The following NLRP3 variants were observed in gnomAD, a reference collection of about 807,000 sequenced individuals.
NLRP3 encodes the protein NACHT, LRR and PYD domains-containing protein 3.
NLRP3 carries 48 observed loss-of-function variants against 91.3 expected under a neutral mutation model. The observed-to-expected ratio is 0.53, with a 90% CI of 0.42 to 0.67. NLRP3 has a LOEUF of 0.67. Among genes scored for constraint, NLRP3 ranks in the 30% least tolerant of loss-of-function variants. The pLI is 0.00. For missense variants in NLRP3, 982 were observed against 1,276.9 expected (o/e 0.77, Z 3.52); for synonymous variants, 561 against 507.9 (o/e 1.10, Z -1.41).
In NLRP3 at chr1:247,434,281, G is replaced by A. The variant is rs201453934; in HGVS notation, c.2492+8G>A. 58 of 1,613,958 alleles carry A rather than the reference G, an allele frequency of 3.6e-5. 1 individual carries two copies. The South Asian group carries it at 5.4e-4, about 15-fold the overall frequency. ...CAATCTGAAGAAGCTCTGGTGAGTC[G>A]AGCCCGTTCCCCTAAGGAAGTTCTG... is the stretch of plus-strand genomic sequence containing the variant. On this transcript the variant is annotated splice_region_variant and intron_variant, in intron 6 of 9. Transcript: ENST00000336119.
intron 7 of NLRP3, among the ~76,000 whole-genome samples, chr1:247,438,378 GTTTT>G (rs74163772): frequency 5.6e-5 from 4 of 71,924 alleles, no homozygotes; most frequent in African/African-American, 1.1e-4. Context: ...GTTTAGTTGT[GTTTT>G]TTTTTTTTTT....
At position 247,436,078 on chromosome 1, in the gene NLRP3, C is replaced by T; in HGVS notation, c.2601C>T (p.Asp867=). The change falls in exon 7 of 10, where the codon GAC becomes GAT. Residue 867 remains aspartate, a synonymous_variant. Coordinates refer to ENST00000336119, the MANE Select transcript of NLRP3 (RefSeq NM_001243133.2). ...RLYVGENALG[D]SGVAILCEKA... is the part of the protein sequence containing the mutation. Reference sequence around the variant, plus strand: ...ATGTGGGGGAGAATGCCTTGGGAGACTCAGGAGTCGCAATTTTATGTGAAA... The same window carrying T: ...ATGTGGGGGAGAATGCCTTGGGAGATTCAGGAGTCGCAATTTTATGTGAAA... The T allele has an allele frequency of 6.2e-7, 1 of 1,614,148 alleles. No homozygotes were observed. Among genetic ancestry groups the T allele is most frequent in the Non-Finnish European group, 8.5e-7 (1 of 1,180,022 alleles).
chr1:247,442,434 G>A (rs1432236164), intron 7 of NLRP3, among the ~76,000 whole-genome samples: 1 of 152,128 alleles, frequency 6.6e-6, no homozygotes, highest in Non-Finnish European at 1.5e-5. Context: ...TGATTTTAGA[G>A]CTCTTATGCT....
chr1:247,437,567 A>T (rs1358490891), intron 7 of NLRP3, among the ~76,000 whole-genome samples: 1 of 152,124 alleles, frequency 6.6e-6, no homozygotes, highest in Non-Finnish European at 1.5e-5. Flanking sequence ...TGGCAATTTG[A>T]CTTCTGCTTC....
At chr1:247,444,177 C>T (rs1021109909) in intron 8 of NLRP3, 35 bp downstream of exon 8, 1 of 1,610,634 alleles carries the variant, frequency 6.2e-7, no homozygotes. Flanking sequence ...AATGAGAACA[C>T]ATGGTGGCCA....
rs1558207088 is a variant in NLRP3 at position 247,441,130 on chromosome 1, TC to T, written c.2664-2841del. ...CTTTCTTTCTCTCTTTTTCTTTTTC[TC>T]TTTCTTTCTTTCTTTCTCTCTCTCT... is the stretch of plus-strand genomic sequence containing the variant. On this transcript the variant is annotated intron_variant, in intron 7 of 9. Coordinates refer to ENST00000336119, the MANE Select transcript of NLRP3 (RefSeq NM_001243133.2). Among the ~76,000 whole-genome samples, 68 of 21,860 alleles carry T rather than the reference TC, an allele frequency of 3.1e-3. 1 individual carries two copies. Among genetic ancestry groups the T allele is most frequent in the South Asian group, 0.022 (18 of 804 alleles). 14.3% of individuals were successfully genotyped at this position (21,860 alleles called of 152,430 possible).
At chr1:247,437,516 T>C (rs1363803578) in intron 7 of NLRP3, among the ~76,000 whole-genome samples, 2 of 152,210 alleles carry the variant, frequency 1.3e-5, no homozygotes, top group African/African-American at 2.4e-5. Context: ...CTTAGGGTAT[T>C]ACCCTTCCTT....
At chr1:247,422,072 A>G (rs1453562164) in intron 2 of NLRP3, among the ~76,000 whole-genome samples, 1 of 152,200 alleles carries the variant, frequency 6.6e-6, no homozygotes, top group Non-Finnish European at 1.5e-5. Context: ...GTTACCAAGT[A>G]GACAGCTGTC....
At chr1:247,429,807 G>C (rs928562412) in intron 5 of NLRP3, 52 bp downstream of exon 5, 1 of 1,597,838 alleles carries the variant, frequency 6.3e-7, no homozygotes, top group Middle Eastern at 2.1e-4. Context: ...ATGAGAGAGA[G>C]AGAGAGAAAC....
At position 247,426,749 on chromosome 1, in the gene NLRP3, C is replaced by T. The variant is rs188537589; in HGVS notation, c.2150+1150C>T. Among the ~76,000 whole-genome samples the T allele has an allele frequency of 7.2e-3, 1,099 of 152,172 alleles. 15 individuals carry two copies. Among genetic ancestry groups the T allele is most frequent in the African/African-American group, 0.025 (1,018 of 41,522 alleles). ...TCGGGGAGGGGGTCATGGGCTCTGA[C>T]AAGGAAACTTGCAGAGTATCCAAAG... On this transcript the variant is annotated intron_variant, in intron 4 of 9. Transcript: ENST00000336119.
Position 247,434,312 on chromosome 1 carries a change from G to C in NLRP3, c.2492+39G>C, listed in dbSNP as rs201858222. The C allele has an allele frequency of 3.7e-6, 6 of 1,611,998 alleles. No individual in the cohort carries two copies. In the South Asian group the frequency reaches 5.5e-5, roughly 15 times the overall value. On this transcript the variant is annotated intron_variant, in intron 6 of 9. Coordinates refer to ENST00000336119, the MANE Select transcript of NLRP3 (RefSeq NM_001243133.2). Reference sequence around the variant, plus strand: ...GTTCCCCTAAGGAAGTTCTGCCAGCGAGGCGTGCTGCGCACTCTGGCTTCA... The same window carrying C: ...GTTCCCCTAAGGAAGTTCTGCCAGCCAGGCGTGCTGCGCACTCTGGCTTCA...
intron 7 of NLRP3, among the ~76,000 whole-genome samples, chr1:247,440,357 G>A (rs1430481115): frequency 6.6e-6 from 1 of 152,142 alleles, no homozygotes; most frequent in East Asian, 1.9e-4. Context: ...TGCTGAGTGA[G>A]TAAACGGGGG....
chr1:247,437,554 C>A (rs1663882437), intron 7 of NLRP3, among the ~76,000 whole-genome samples: 1 of 152,194 alleles, frequency 6.6e-6, no homozygotes, highest in East Asian at 1.9e-4. Context: ...TATTACTCTT[C>A]CTTGGCAATT....
chr1:247,441,093 T>TTCCTTCC (rs1664180389), intron 7 of NLRP3, among the ~76,000 whole-genome samples: 1 of 150,284 alleles, frequency 6.7e-6, no homozygotes, highest in East Asian at 2.0e-4. Context: ...TCCTTCCTTC[T>TTCCTTCC]TCCTCCTCCT....
chr1:247,435,464 A>G (rs1021405171), intron 6 of NLRP3, among the ~76,000 whole-genome samples: 1 of 152,140 alleles, frequency 6.6e-6, no homozygotes, highest in Non-Finnish European at 1.5e-5. Flanking sequence ...GATAAGCTAG[A>G]CTCGAAAGGG....
At chr1:247,429,036 G>T (rs1663116025) in intron 4 of NLRP3, among the ~76,000 whole-genome samples, 1 of 152,032 alleles carries the variant, frequency 6.6e-6, no homozygotes, top group African/African-American at 2.4e-5. Flanking sequence ...GGGATGACAG[G>T]CTCGTGCCAC....
At chr1:247,436,203 A>T in intron 7 of NLRP3, 63 bp downstream of exon 7, 1 of 1,533,910 alleles carries the variant, frequency 6.5e-7, no homozygotes, top group Non-Finnish European at 9.0e-7. Context: ...TTATTTGGAA[A>T]ATGTGGATGG....
chr1:247,446,597 T>A (rs2103249668), intron 9 of NLRP3, among the ~76,000 whole-genome samples: 1 of 152,312 alleles, frequency 6.6e-6, no homozygotes, highest in East Asian at 1.9e-4. Context: ...TCCACCTGCA[T>A]TATTCCCTGT....
At chr1:247,435,220 C>T (rs1012767063) in intron 6 of NLRP3, among the ~76,000 whole-genome samples, 5 of 151,896 alleles carry the variant, frequency 3.3e-5, no homozygotes, top group East Asian at 1.9e-4. Flanking sequence ...ACTGTACTCC[C>T]GCCTGGGTGA....
Sources: gnomAD v4.1 joint callset for allele counts (sites outside exome capture counted in the v4.1 genomes callset) on GRCh38, gnomAD v4.1.1 for gene constraint, MANE v1.5 for transcripts, NCBI Gene and HGNC (gene_info 2026-07-23, HGNC 2026-07-21) for gene names.